Variants in SDK1 observed in about 807,000 individuals in gnomAD.
The protein encoded by SDK1 is protein sidekick-1.
Under a neutral mutation model 245.5 loss-of-function variants are expected in SDK1, and 157 were observed. The ratio of observed to expected loss-of-function variants is 0.64; its 90% confidence interval spans 0.56 to 0.73. SDK1 has a LOEUF of 0.73. Ranked by LOEUF, SDK1 falls within the 30% of genes least tolerant of loss-of-function variation. The pLI is 0.00. For synonymous variants in SDK1, 1,647 were observed against 1,278.5 expected, an observed-to-expected ratio of 1.29 and a Z score of -6.15; for missense variants, 3,583 against 3,002.3, an observed-to-expected ratio of 1.19 and a Z score of -4.52.
chr7:3,660,076 C>G (rs1583281381), intron 4 of SDK1, among the ~76,000 whole-genome samples: 1 of 152,048 alleles, frequency 6.6e-6, no homozygotes, highest in Admixed American at 6.5e-5. Context: ...AAGGAAAGAT[C>G]AGACCGGAGA....
chr7:4,101,548 G>GT (rs1202750947), intron 22 of SDK1, among the ~76,000 whole-genome samples: 6 of 152,256 alleles, frequency 3.9e-5, no homozygotes, highest in Non-Finnish European at 2.9e-5. Flanking sequence ...TCAAGCAAAT[G>GT]TAAGAGAGGC....
intron 5 of SDK1, among the ~76,000 whole-genome samples, chr7:3,885,892 T>A (rs931996746): frequency 1.3e-5 from 2 of 152,220 alleles, no homozygotes; most frequent in Non-Finnish European, 2.9e-5. Flanking sequence ...GTATGCATTC[T>A]GCTGTTGTTT....
At chr7:3,607,268 A>T (rs2128640828) in intron 1 of SDK1, among the ~76,000 whole-genome samples, 1 of 152,246 alleles carries the variant, frequency 6.6e-6, no homozygotes, top group East Asian at 1.9e-4. Flanking sequence ...AGCACCTTAG[A>T]TCCTTAATAT....
chr7:4,199,572 C>G (rs910091908), intron 35 of SDK1, among the ~76,000 whole-genome samples: 1 of 152,192 alleles, frequency 6.6e-6, no homozygotes, highest in African/African-American at 2.4e-5. Flanking sequence ...CTGGCCTCAT[C>G]CTCCTTTTCC....
intron 14 of SDK1, among the ~76,000 whole-genome samples, chr7:4,001,865 G>A (rs892745672): frequency 6.6e-6 from 1 of 152,116 alleles, no homozygotes. Context: ...CACTCCTGTG[G>A]CCTCTGTCTT....
intron 2 of SDK1, among the ~76,000 whole-genome samples, chr7:3,623,191 T>C (rs1280630158): frequency 6.6e-6 from 1 of 152,102 alleles, no homozygotes; most frequent in African/African-American, 2.4e-5. Flanking sequence ...TAAAATAACA[T>C]TTTCTTTGCT....
At position 4,145,054 on chromosome 7, in the gene SDK1, A is replaced by G. The variant is rs553014642; in HGVS notation, c.4229-668A>G. Among the ~76,000 whole-genome samples the G allele has an allele frequency of 4.6e-5, 7 of 152,270 alleles. No homozygotes were observed. In the East Asian group the frequency reaches 1.4e-3, roughly 29 times the overall value. ...GATCGTTAATAAGGAACGTCTGGTCAACCCCAAGCCCCTCCCAGCGGAGGA... is the reference window on the plus strand; with the variant it reads ...GATCGTTAATAAGGAACGTCTGGTCGACCCCAAGCCCCTCCCAGCGGAGGA... On this transcript the variant is annotated intron_variant, in intron 28 of 44. Coordinates refer to ENST00000404826, the MANE Select transcript of SDK1 (RefSeq NM_152744.4).
rs78791099 is a variant in SDK1 at position 4,011,566 on chromosome 7, C to T, written c.2279+453C>T. On this transcript the variant is annotated intron_variant, in intron 15 of 44. Coordinates refer to ENST00000404826, the MANE Select transcript of SDK1 (RefSeq NM_152744.4). ...CGGTCTTCACGCTCTCCCATCCCTG[C>T]GAGGGCCACCTCTGAAAAATCTCAT... Among the ~76,000 whole-genome samples, 488 of 152,320 alleles carry T rather than the reference C, an allele frequency of 3.2e-3. 5 individuals are homozygous for T. The East Asian group carries it at 0.048, about 15-fold the overall frequency.
At chr7:3,432,162 T>TA (rs1404022648) in intron 1 of SDK1, among the ~76,000 whole-genome samples, 12 of 148,548 alleles carry the variant, frequency 8.1e-5, no homozygotes, top group African/African-American at 2.9e-4. Context: ...AATATATATT[T>TA]TTATATATAT....
intron 4 of SDK1, among the ~76,000 whole-genome samples, chr7:3,669,940 G>A (rs1783645227): frequency 6.6e-6 from 1 of 152,118 alleles, no homozygotes; most frequent in Non-Finnish European, 1.5e-5. Context: ...CCATCCAACA[G>A]TTGCCCAAGC....
chr7:3,492,719 C>T (rs1471521544), intron 1 of SDK1, among the ~76,000 whole-genome samples: 1 of 152,134 alleles, frequency 6.6e-6, no homozygotes, highest in East Asian at 1.9e-4. Context: ...ACATCCCTGA[C>T]AACCTGTTAA....
rs1371985229 is a variant in SDK1, at chr7:3,964,649, T to C, written c.1429+1798T>C. Among the ~76,000 whole-genome samples, 3 of 152,346 alleles carry C rather than the reference T, an allele frequency of 2.0e-5. No homozygotes were observed. In the East Asian group the frequency reaches 5.8e-4, roughly 29 times the overall value. ...ATCTTCCATGGTTGTATAATACTGTTCTTCTAAAATGAAGTAGAATCTAGT... is the reference window on the plus strand; with the variant it reads ...ATCTTCCATGGTTGTATAATACTGTCCTTCTAAAATGAAGTAGAATCTAGT... On this transcript the variant is annotated intron_variant, in intron 9 of 44. Coordinates refer to ENST00000404826, the MANE Select transcript of SDK1 (RefSeq NM_152744.4).
chr7:4,125,368 A>ATGG (rs1784326162), intron 25 of SDK1, among the ~76,000 whole-genome samples: 3 of 128,162 alleles, frequency 2.3e-5, no homozygotes, highest in South Asian at 5.7e-4. Context: ...TGGATGGATG[A>ATGG]ATGGATGGGT....
At position 4,178,583 on chromosome 7, in the gene SDK1, G is replaced by C; in HGVS notation, c.5095G>C (p.Ala1699Pro). Residue 1699 changes from alanine (A) to proline (P), a missense_variant, in exon 35 of 45, where the codon GCT becomes CCT. Physicochemically the swap from Ala to Pro is conservative, Grantham distance 27. Transcript: ENST00000404826. ...GCCCGTGGAGGTCTTTGTCGGCGAG[G>C]CTGGTAAGCTCCGTGCACCCCCAAC... ...SAPVEVFVGE[A>P]APAMAPQNVQ... 1 of 1,608,810 alleles carries C rather than the reference G, an allele frequency of 6.2e-7. No homozygotes were observed. Among genetic ancestry groups the C allele is most frequent in the Non-Finnish European group, 8.5e-7 (1 of 1,178,472 alleles).
intron 4 of SDK1, among the ~76,000 whole-genome samples, chr7:3,666,655 C>T (rs1467895209): frequency 1.3e-5 from 2 of 151,900 alleles, no homozygotes; most frequent in African/African-American, 2.4e-5. Flanking sequence ...GTGCCTTGTG[C>T]GTCGTTGGCG....
At chr7:3,996,136 T>C (rs941752144) in intron 14 of SDK1, among the ~76,000 whole-genome samples, 2 of 152,192 alleles carry the variant, frequency 1.3e-5, no homozygotes, top group Non-Finnish European at 2.9e-5. Context: ...TGATCCATTT[T>C]CCCAACATGA....
intron 5 of SDK1, among the ~76,000 whole-genome samples, chr7:3,904,259 G>A (rs746999921): frequency 3.9e-5 from 6 of 152,292 alleles, no homozygotes; most frequent in Admixed American, 2.0e-4. Context: ...ACAGAAAGTA[G>A]AGTAGTAGTT....
chr7:3,797,599 A>G (rs982077170), intron 4 of SDK1, among the ~76,000 whole-genome samples: 1 of 152,160 alleles, frequency 6.6e-6, no homozygotes, highest in Non-Finnish European at 1.5e-5. Context: ...CCATTTACAT[A>G]GATCTAATTT....
intron 4 of SDK1, among the ~76,000 whole-genome samples, chr7:3,698,585 T>TA (rs1457107805): frequency 1.3e-5 from 2 of 152,146 alleles, no homozygotes; most frequent in Non-Finnish European, 2.9e-5. Context: ...GCTGCTATAG[T>TA]AAAACACCAC....
Sources: allele counts gnomAD v4.1 joint callset (sites outside exome capture counted in the v4.1 genomes callset), GRCh38; gene constraint gnomAD v4.1.1; transcripts MANE v1.5; gene names NCBI Gene and HGNC (gene_info 2026-07-23, HGNC 2026-07-21).